NFIB: variants seen among roughly 807,000 people sequenced by gnomAD.
NFIB encodes nuclear factor I B, also known as nuclear factor 1 B-type.
NFIB carries 11 observed loss-of-function variants against 61.5 expected under a neutral mutation model. The observed-to-expected ratio is 0.18, with a 90% confidence interval of 0.11 to 0.30. The LOEUF is 0.30. Among genes scored for constraint, NFIB ranks in the 10% least tolerant of loss-of-function variants. The probability of loss-of-function intolerance (pLI) is 1.00; values close to 1 mark genes in which losing one functional copy is unlikely to be tolerated. For synonymous variants in NFIB, 260 were observed against 216.5 expected, an observed-to-expected ratio of 1.20 and a Z score of -1.76; for missense variants, 471 against 608.9, an observed-to-expected ratio of 0.77 and a Z score of 2.38.
chr9:14,257,926 C>T (rs2056383689), intron 2 of NFIB, among the ~76,000 whole-genome samples: 3 of 151,964 alleles, frequency 2.0e-5, no homozygotes, highest in Non-Finnish European at 1.5e-5. Flanking sequence ...TTTCTTAAAG[C>T]ATCATATCAG....
intron 1 of NFIB, among the ~76,000 whole-genome samples, chr9:14,375,955 A>G (rs2061413934): frequency 6.6e-6 from 1 of 152,256 alleles, no homozygotes; most frequent in African/African-American, 2.4e-5. Flanking sequence ...CACTAGCTTG[A>G]GAACCCAGTC....
intron 2 of NFIB, among the ~76,000 whole-genome samples, chr9:14,180,468 C>G (rs1254298701): frequency 1.3e-5 from 2 of 152,142 alleles, no homozygotes; most frequent in African/African-American, 4.8e-5. Context: ...AGATCAATGT[C>G]GTATATCTGA....
chr9:14,227,076 G>C (rs1357228710), intron 2 of NFIB, among the ~76,000 whole-genome samples: 1 of 148,568 alleles, frequency 6.7e-6, no homozygotes, highest in Non-Finnish European at 1.5e-5. Flanking sequence ...AGGAGGCAAA[G>C]TTTGCAGTGA....
chr9:14,529,934 T>C, the NFIB span, among the ~76,000 whole-genome samples: 1 of 152,202 alleles, frequency 6.6e-6, no homozygotes, highest in Non-Finnish European at 1.5e-5. Context: ...AGTAATAATA[T>C]TCACAGCCTA....
rs142277189 is a variant in NFIB, at chr9:14,226,749, C to T, written c.563-46969G>A. Among the ~76,000 whole-genome samples, 648 of 152,216 alleles carry T rather than the reference C, an allele frequency of 4.3e-3. 6 individuals are homozygous for T. Among genetic ancestry groups the T allele is most frequent in the African/African-American group, 0.014 (599 of 41,524 alleles). The stretch of plus-strand genomic sequence containing the variant: ...AGTTATTCTGGTAATTCTGTCTTTT[C>T]GATGGACTAATAATTAAAATCACCT... On this transcript the variant is annotated intron_variant, in intron 2 of 10. Coordinates refer to ENST00000380953, the MANE Select transcript of NFIB (RefSeq NM_001190737.2).
At chr9:14,359,195 A>G (rs1024594592) in intron 1 of NFIB, among the ~76,000 whole-genome samples, 1 of 152,206 alleles carries the variant, frequency 6.6e-6, no homozygotes, top group Non-Finnish European at 1.5e-5. Context: ...TGGCCCCTAA[A>G]AAGATATGTC....
intron 2 of NFIB, among the ~76,000 whole-genome samples, chr9:14,201,473 T>A (rs1487039455): frequency 6.6e-6 from 1 of 152,162 alleles, no homozygotes; most frequent in Non-Finnish European, 1.5e-5. Flanking sequence ...TATCCCTTAT[T>A]TGATGCAAGA....
At chr9:14,187,794 A>C (rs986388198) in intron 2 of NFIB, among the ~76,000 whole-genome samples, 1 of 152,188 alleles carries the variant, frequency 6.6e-6, no homozygotes, top group African/African-American at 2.4e-5. Flanking sequence ...TATTATCAAA[A>C]ATCATATATC....
At position 14,374,913 on chromosome 9, in the gene NFIB, A is replaced by C. The variant is rs1402032784; in HGVS notation, c.108+23611T>G. 2.0e-5 allele frequency among the ~76,000 whole-genome samples: 3 copies of C among 150,554 alleles called. No homozygotes were observed. The South Asian group carries it at 6.2e-4, about 31-fold the overall frequency. On this transcript the variant is annotated intron_variant, in intron 1 of 8. Coordinates refer to the NFIB transcript ENST00000380934. ...CAACAGAGCTAGACTCTGTCTCAAA[A>C]TAAATAAATAAATAAATAAATAAAG...
chr9:14,512,739 C>T, the NFIB span, among the ~76,000 whole-genome samples: 6,278 of 151,582 alleles, frequency 0.041, 404 homozygotes, highest in African/African-American at 0.14. Flanking sequence ...TCCCTTCCAC[C>T]TCCCTTTTCT....
the NFIB span, among the ~76,000 whole-genome samples, chr9:14,500,720 G>A: frequency 1.3e-5 from 2 of 152,092 alleles, no homozygotes; most frequent in African/African-American, 4.8e-5. Flanking sequence ...ATTCCTTGCC[G>A]CCCTAGAGTC....
At chr9:14,504,600 A>C in the NFIB span, among the ~76,000 whole-genome samples, 1 of 152,100 alleles carries the variant, frequency 6.6e-6, no homozygotes, top group Non-Finnish European at 1.5e-5. Context: ...GCTATTATTA[A>C]AGGGGTTAAG....
At chr9:14,281,790 C>G (rs1333271987) in intron 2 of NFIB, among the ~76,000 whole-genome samples, 2 of 152,048 alleles carry the variant, frequency 1.3e-5, no homozygotes, top group African/African-American at 2.4e-5. Context: ...TGATTATAAT[C>G]CTTAGGTTGT....
intron 1 of NFIB, among the ~76,000 whole-genome samples, chr9:14,326,985 G>T (rs2060761588): frequency 6.6e-6 from 1 of 152,040 alleles, no homozygotes; most frequent in Non-Finnish European, 1.5e-5. Context: ...ACAATAAATT[G>T]GAATCAATTT....
At chr9:14,309,539 T>C (rs1453043330) in intron 1 of NFIB, among the ~76,000 whole-genome samples, 22 of 152,154 alleles carry the variant, frequency 1.4e-4, no homozygotes, top group Admixed American at 1.4e-3. Flanking sequence ...ATTTGAACAA[T>C]TCAGTTACTA....
chr9:14,495,045 TA>T, the NFIB span, among the ~76,000 whole-genome samples: 2 of 152,230 alleles, frequency 1.3e-5, no homozygotes, highest in African/African-American at 4.8e-5. Flanking sequence ...AAAACATGTT[TA>T]AAAACTTCTG....
chr9:14,463,737 C>T, the NFIB span, among the ~76,000 whole-genome samples: 1,534 of 144,410 alleles, frequency 0.011, 27 homozygotes, highest in African/African-American at 0.038. Context: ...CTCGGCTCAC[C>T]GCAAGCTCCG....
At chr9:14,417,307 T>G in the NFIB span, among the ~76,000 whole-genome samples, 1 of 152,236 alleles carries the variant, frequency 6.6e-6, no homozygotes, top group Non-Finnish European at 1.5e-5. Flanking sequence ...GGTAACATGT[T>G]GTACAGGTTT....
the NFIB span, among the ~76,000 whole-genome samples, chr9:14,442,576 C>T: frequency 6.6e-6 from 1 of 152,108 alleles, no homozygotes; most frequent in Non-Finnish European, 1.5e-5. Flanking sequence ...GAAAATCTGT[C>T]CCAGGCCTCT....
Sources: allele counts gnomAD v4.1 joint callset (sites outside exome capture counted in the v4.1 genomes callset), GRCh38; gene constraint gnomAD v4.1.1; transcripts MANE v1.5; gene names NCBI Gene and HGNC (gene_info 2026-07-23, HGNC 2026-07-21).